Variants in ZNF385D observed in about 807,000 individuals in gnomAD.
ZNF385D encodes the protein zinc finger protein 385D.
Under a neutral mutation model 35.8 loss-of-function variants are expected in ZNF385D, and 15 were observed. That is an observed-to-expected ratio of 0.42 (90% CI 0.28 to 0.64). The LOEUF (loss-of-function observed/expected upper bound fraction) is 0.64. Ranked by LOEUF, ZNF385D falls within the 30% of genes least tolerant of loss-of-function variation. ZNF385D has a pLI of 0.23. For synonymous variants in ZNF385D, 212 were observed against 186.8 expected, an observed-to-expected ratio of 1.13 and a Z score of -1.10; for missense variants, 474 against 494.6, an observed-to-expected ratio of 0.96 and a Z score of 0.39.
intron 3 of ZNF385D, among the ~76,000 whole-genome samples, chr3:21,763,662 T>C (rs1448781644): frequency 6.6e-6 from 1 of 152,144 alleles, no homozygotes; most frequent in African/African-American, 2.4e-5. Flanking sequence ...GTGCATTGTT[T>C]TAGTTAAATA....
chr3:21,548,003 C>T (rs571816249), intron 3 of ZNF385D, among the ~76,000 whole-genome samples: 33 of 152,240 alleles, frequency 2.2e-4, no homozygotes, highest in Non-Finnish European at 3.1e-4. Context: ...GCTGTAACCT[C>T]GGGAAGTTTG....
intron 2 of ZNF385D, among the ~76,000 whole-genome samples, chr3:22,215,900 C>T (rs2125270683): frequency 6.6e-6 from 1 of 152,144 alleles, no homozygotes; most frequent in East Asian, 1.9e-4. Flanking sequence ...CCCTTTATTT[C>T]TCAGACCGGC....
chr3:21,781,224 G>C (rs2071477020), intron 3 of ZNF385D, among the ~76,000 whole-genome samples: 1 of 151,998 alleles, frequency 6.6e-6, no homozygotes, highest in African/African-American at 2.4e-5. Flanking sequence ...CGAGAAAAGG[G>C]AAAGGAAAAG....
At chr3:21,676,666 A>T (rs1026314970) in intron 1 of ZNF385D, among the ~76,000 whole-genome samples, 2 of 152,020 alleles carry the variant, frequency 1.3e-5, no homozygotes, top group African/African-American at 4.8e-5. Context: ...AGATATCCTT[A>T]TTTTCATTTT....
chr3:22,209,189 CAA>C (rs1240466001), intron 2 of ZNF385D, among the ~76,000 whole-genome samples: 3 of 151,734 alleles, frequency 2.0e-5, no homozygotes, highest in Non-Finnish European at 2.9e-5. Flanking sequence ...TGGAGAGTTA[CAA>C]AAAGAGAGCA....
chr3:21,920,928 A>C (rs946160120), intron 3 of ZNF385D, among the ~76,000 whole-genome samples: 1 of 152,044 alleles, frequency 6.6e-6, no homozygotes, highest in Non-Finnish European at 1.5e-5. Flanking sequence ...AGAAAAACAA[A>C]CACTGGGTAA....
chr3:21,425,374 G>T, intron 6 of ZNF385D, 118 bp downstream of exon 6: 1 of 1,044,190 alleles, frequency 9.6e-7, no homozygotes, highest in Non-Finnish European at 1.3e-6. Context: ...ATGGAGGGAT[G>T]GATGAATAGA....
At chr3:22,140,161 C>G (rs1422696930) in intron 3 of ZNF385D, among the ~76,000 whole-genome samples, 1 of 152,168 alleles carries the variant, frequency 6.6e-6, no homozygotes, top group East Asian at 1.9e-4. Flanking sequence ...TTTATAGGAG[C>G]TTTGTAATAT....
At chr3:21,883,044 G>C (rs1015882342) in intron 3 of ZNF385D, among the ~76,000 whole-genome samples, 2 of 151,880 alleles carry the variant, frequency 1.3e-5, no homozygotes, top group Non-Finnish European at 2.9e-5. Flanking sequence ...CTTATTTGGA[G>C]GTGACAGATT....
At chr3:22,346,324 TG>T (rs1559532989) in intron 2 of ZNF385D, among the ~76,000 whole-genome samples, 2 of 152,166 alleles carry the variant, frequency 1.3e-5, no homozygotes, top group African/African-American at 4.8e-5. Context: ...ACATATCTGT[TG>T]GGGAAAAAAA....
chr3:22,014,297 T>C (rs1197010085), intron 3 of ZNF385D, among the ~76,000 whole-genome samples: 1 of 151,978 alleles, frequency 6.6e-6, no homozygotes, highest in African/African-American at 2.4e-5. Flanking sequence ...GTATGGGAAG[T>C]TTAAGGCAAA....
intron 3 of ZNF385D, among the ~76,000 whole-genome samples, chr3:21,955,384 G>A (rs1433907919): frequency 6.6e-6 from 1 of 152,048 alleles, no homozygotes; most frequent in Non-Finnish European, 1.5e-5. Flanking sequence ...CCCAAAAATA[G>A]GGAGGAAGAA....
At chr3:21,563,744 A>G (rs1286011951) in intron 3 of ZNF385D, among the ~76,000 whole-genome samples, 1 of 152,140 alleles carries the variant, frequency 6.6e-6, no homozygotes, top group East Asian at 1.9e-4. Flanking sequence ...GTTTGCCTAG[A>G]GTGTGAATGC....
chr3:22,149,910 C>A (rs540445361), intron 3 of ZNF385D, among the ~76,000 whole-genome samples: 1 of 152,184 alleles, frequency 6.6e-6, no homozygotes, highest in East Asian at 1.9e-4. Flanking sequence ...AAGAAACATT[C>A]CAGAAATCTC....
At chr3:21,993,803 C>T (rs1456203266) in intron 3 of ZNF385D, among the ~76,000 whole-genome samples, 1 of 152,140 alleles carries the variant, frequency 6.6e-6, no homozygotes, top group African/African-American at 2.4e-5. Context: ...CCACATATAG[C>T]GTCCTTACTC....
At chr3:22,340,925 T>C (rs1695392898) in intron 2 of ZNF385D, among the ~76,000 whole-genome samples, 2 of 152,204 alleles carry the variant, frequency 1.3e-5, no homozygotes, top group Admixed American at 6.5e-5. Flanking sequence ...ATCTTTCCTT[T>C]GTATATTCTA....
intron 3 of ZNF385D, among the ~76,000 whole-genome samples, chr3:22,011,643 T>C (rs1306066365): frequency 2.6e-5 from 4 of 152,140 alleles, no homozygotes; most frequent in Non-Finnish European, 4.4e-5. Context: ...GTTGTATTAA[T>C]AAGTATGGTT....
At chr3:22,014,850 C>T (rs904075384) in intron 3 of ZNF385D, among the ~76,000 whole-genome samples, 2 of 152,008 alleles carry the variant, frequency 1.3e-5, no homozygotes. Flanking sequence ...TCTTTGTAAA[C>T]TAATTTTGTA....
intron 3 of ZNF385D, among the ~76,000 whole-genome samples, chr3:21,926,017 T>C (rs909272766): frequency 2.0e-5 from 3 of 152,192 alleles, no homozygotes; most frequent in Non-Finnish European, 4.4e-5. Flanking sequence ...GGATCACTTA[T>C]ACGTGGATAG....
Sources: gnomAD v4.1 joint callset for allele counts (sites outside exome capture counted in the v4.1 genomes callset) on GRCh38, gnomAD v4.1.1 for gene constraint, MANE v1.5 for transcripts, NCBI Gene and HGNC (gene_info 2026-07-23, HGNC 2026-07-21) for gene names.